Variants in AGBL4 observed in about 807,000 individuals in gnomAD.
AGBL4 encodes cytosolic carboxypeptidase 6.
Under a neutral mutation model 66.4 loss-of-function variants are expected in AGBL4, and 58 were observed. The ratio of observed to expected loss-of-function variants is 0.87; its 90% confidence interval spans 0.71 to 1.09. The LOEUF is 1.09. Ranked by LOEUF, AGBL4 falls within the 50% of genes least tolerant of loss-of-function variation. The pLI is 0.00. For missense variants in AGBL4, 579 were observed against 631.0 expected (o/e 0.92, Z 0.88); for synonymous variants, 234 against 222.9 (o/e 1.05, Z -0.44).
intron 4 of AGBL4, among the ~76,000 whole-genome samples, chr1:49,241,662 A>G (rs944098071): frequency 4.6e-5 from 7 of 151,998 alleles, no homozygotes; most frequent in Non-Finnish European, 1.0e-4. Flanking sequence ...TTCCTGGTTC[A>G]TTTTAACTAC....
chr1:49,317,010 A>C (rs1047653666), intron 3 of AGBL4, among the ~76,000 whole-genome samples: 5 of 151,940 alleles, frequency 3.3e-5, no homozygotes, highest in African/African-American at 1.2e-4. Flanking sequence ...TCTAATTATT[A>C]AGAAAAAAAC....
At chr1:49,867,785 C>G (rs996066818) in intron 1 of AGBL4, among the ~76,000 whole-genome samples, 1 of 152,084 alleles carries the variant, frequency 6.6e-6, no homozygotes, top group Non-Finnish European at 1.5e-5. Flanking sequence ...AGTACAAAAA[C>G]CAATAACATT....
At chr1:49,516,026 C>T (rs950365561) in intron 3 of AGBL4, among the ~76,000 whole-genome samples, 6 of 149,880 alleles carry the variant, frequency 4.0e-5, no homozygotes, top group Non-Finnish European at 7.4e-5. Context: ...TACCCTAAAA[C>T]TTAAAGTATA....
At chr1:49,277,517 A>C (rs1374095304) in intron 3 of AGBL4, among the ~76,000 whole-genome samples, 1 of 152,194 alleles carries the variant, frequency 6.6e-6, no homozygotes, top group Non-Finnish European at 1.5e-5. Context: ...TGCAAACTTT[A>C]GTATGTTATT....
chr1:49,058,635 C>T (rs1217218840), intron 4 of AGBL4, among the ~76,000 whole-genome samples: 1 of 152,160 alleles, frequency 6.6e-6, no homozygotes, highest in Non-Finnish European at 1.5e-5. Flanking sequence ...AAATGTGGAA[C>T]TGGGTAACAG....
chr1:49,188,059 C>G (rs1187058566), intron 4 of AGBL4, among the ~76,000 whole-genome samples: 1 of 152,134 alleles, frequency 6.6e-6, no homozygotes, highest in African/African-American at 2.4e-5. Context: ...ATGTGACTTG[C>G]TCCTCCTTGC....
chr1:48,919,387 G>T (rs1037864380), intron 5 of AGBL4, among the ~76,000 whole-genome samples: 1 of 152,094 alleles, frequency 6.6e-6, no homozygotes, highest in Non-Finnish European at 1.5e-5. Flanking sequence ...TTGGTCTCCT[G>T]GTCCATAGTC....
intron 9 of AGBL4, among the ~76,000 whole-genome samples, chr1:48,619,054 C>T (rs1247029540): frequency 6.6e-6 from 1 of 152,174 alleles, no homozygotes; most frequent in Non-Finnish European, 1.5e-5. Flanking sequence ...CTGGCTGCTG[C>T]TGGGCCCCTG....
chr1:49,576,971 A>G (rs1485744454), intron 3 of AGBL4, among the ~76,000 whole-genome samples: 2 of 152,218 alleles, frequency 1.3e-5, no homozygotes, highest in African/African-American at 4.8e-5. Flanking sequence ...TGAGCAGTGC[A>G]CCTGCTAGTG....
intron 3 of AGBL4, among the ~76,000 whole-genome samples, chr1:49,482,020 G>A (rs78411518): frequency 4.7e-5 from 7 of 149,846 alleles, no homozygotes; most frequent in African/African-American, 7.4e-5. Context: ...TGCTGTACTC[G>A]GTTTGCCAGT....
chr1:49,121,878 C>T (rs1382789637), intron 4 of AGBL4, among the ~76,000 whole-genome samples: 1 of 152,248 alleles, frequency 6.6e-6, no homozygotes, highest in Admixed American at 6.5e-5. Context: ...TTTCGAGCTT[C>T]CCAGCTGCTT....
intron 5 of AGBL4, among the ~76,000 whole-genome samples, chr1:48,959,908 G>GTTGT (rs1217697843): frequency 6.6e-6 from 1 of 152,190 alleles, no homozygotes; most frequent in Admixed American, 6.5e-5. Flanking sequence ...AGACTTTCAT[G>GTTGT]TTGTTTGTTT....
intron 3 of AGBL4, among the ~76,000 whole-genome samples, chr1:49,337,037 T>G (rs1645451704): frequency 6.6e-6 from 1 of 152,192 alleles, no homozygotes; most frequent in Non-Finnish European, 1.5e-5. Flanking sequence ...CATTAGCTTT[T>G]TCTAATCATC....
chr1:49,950,163 C>CAT (rs200899232), intron 1 of AGBL4, among the ~76,000 whole-genome samples: 33 of 142,354 alleles, frequency 2.3e-4, no homozygotes, highest in East Asian at 6.2e-4. Flanking sequence ...TATATACACA[C>CAT]ATATATATAT....
At chr1:48,917,609 T>C (rs1477918515) in intron 5 of AGBL4, among the ~76,000 whole-genome samples, 1 of 152,244 alleles carries the variant, frequency 6.6e-6, no homozygotes, top group Non-Finnish European at 1.5e-5. Flanking sequence ...AAAGATTTGC[T>C]GGTACTTCTT....
chr1:49,308,200 C>A (rs1644881478), intron 3 of AGBL4, among the ~76,000 whole-genome samples: 1 of 152,260 alleles, frequency 6.6e-6, no homozygotes, highest in Non-Finnish European at 1.5e-5. Flanking sequence ...AATCTTTTTC[C>A]TTTATAAATT....
intron 3 of AGBL4, among the ~76,000 whole-genome samples, chr1:49,553,377 T>A (rs1653125766): frequency 6.6e-6 from 1 of 152,230 alleles, no homozygotes; most frequent in Non-Finnish European, 1.5e-5. Flanking sequence ...TCATGGTGGA[T>A]GAGACCATTC....
At chr1:48,720,949 C>T (rs1401455091) in intron 6 of AGBL4, among the ~76,000 whole-genome samples, 1 of 139,804 alleles carries the variant, frequency 7.2e-6, no homozygotes, top group Non-Finnish European at 1.6e-5. Context: ...AGCCTTCAAG[C>T]CCAGAGAGGA....
chr1:50,006,714 G>C (rs1661158197), intron 1 of AGBL4, among the ~76,000 whole-genome samples: 1 of 151,278 alleles, frequency 6.6e-6, no homozygotes, highest in South Asian at 2.1e-4. Flanking sequence ...CCCTAGAATA[G>C]AGTATCCAGC....
Sources: gnomAD v4.1 joint callset for allele counts (sites outside exome capture counted in the v4.1 genomes callset) on GRCh38, gnomAD v4.1.1 for gene constraint, MANE v1.5 for transcripts, NCBI Gene and HGNC (gene_info 2026-07-23, HGNC 2026-07-21) for gene names.